Variants in ANO2 observed in about 807,000 individuals in gnomAD.
ANO2 encodes anoctamin 2, also known as anoctamin-2.
In ANO2, 101 loss-of-function variants were observed where a neutral mutation model predicts 124.2. The ratio of observed to expected loss-of-function variants is 0.81; its 90% CI spans 0.69 to 0.96. ANO2 has a LOEUF of 0.96. Ranked by LOEUF, ANO2 falls within the 40% of genes least tolerant of loss-of-function variation. ANO2 has a pLI of 0.00. For synonymous variants in ANO2, 486 were observed against 482.5 expected, an observed-to-expected ratio of 1.01 and a Z score of -0.09; for missense variants, 1,293 against 1,274.5, an observed-to-expected ratio of 1.01 and a Z score of -0.22.
chr12:5,921,340 A>G lies in ANO2; in HGVS notation c.234T>C (p.Asn78=). 1 of 1,613,182 alleles carries G rather than the reference A, an allele frequency of 6.2e-7. No homozygotes were observed. Among genetic ancestry groups the G allele is most frequent in the Non-Finnish European group, 8.5e-7 (1 of 1,179,172 alleles). Residue 78 remains asparagine (N), a synonymous_variant, in exon 3 of 25, where the codon AAT becomes AAC. Transcript: ENST00000682330. ...SSVINNYLDA[N]EPVSLEARLS... is the part of the protein sequence containing the mutation. ...GACGGGCCTCCAAGGACACAGGCTC[A>G]TTGGCATCCAGATAGTTGTTGATGA...
chr12:5,740,333 T>C (rs533122304), intron 12 of ANO2: 1 of 188,018 alleles, frequency 5.3e-6, no homozygotes, highest in South Asian at 1.1e-4. Flanking sequence ...AGAGGCCTGG[T>C]TATATTTCAT....
At chr12:5,694,275 G>GAGAGAGAC (rs1949071886) in intron 14 of ANO2, among the ~76,000 whole-genome samples, 1 of 151,746 alleles carries the variant, frequency 6.6e-6, no homozygotes, top group Non-Finnish European at 1.5e-5. Context: ...GAGAGAGAGA[G>GAGAGAGAC]AGAGAGAGAA....
At chr12:5,916,079 ACAGCCTGGG>A (rs1358209999) in intron 3 of ANO2, among the ~76,000 whole-genome samples, 1 of 152,016 alleles carries the variant, frequency 6.6e-6, no homozygotes, top group Non-Finnish European at 1.5e-5. Flanking sequence ...GAGTTCAAGA[ACAGCCTGGG>A]CAACATGGTG....
chr12:5,621,397 G>A (rs548219955), intron 16 of ANO2, among the ~76,000 whole-genome samples: 56 of 152,310 alleles, frequency 3.7e-4, no homozygotes, highest in Admixed American at 2.2e-3. Context: ...AAGGAGGGAC[G>A]TCTTTTTCTG....
chr12:5,764,713 TCTC>T lies in ANO2; in HGVS notation c.1056-13746_1056-13744del, dbSNP rs573864256. Among the ~76,000 whole-genome samples, 19 of 150,118 alleles carry T rather than the reference TCTC, an allele frequency of 1.3e-4. No homozygotes were observed. The East Asian group carries it at 1.6e-3, about 13-fold the overall frequency. On this transcript the variant is annotated intron_variant, in intron 10 of 24. Coordinates refer to ENST00000682330, the MANE Select transcript of ANO2 (RefSeq NM_001364791.2). ...CGCCCCCAGCCCCGCCCTCCCCTGT[TCTC>T]CTGCTTTTTTCCAACTCTGAAGCTG... is the stretch of plus-strand genomic sequence containing the variant.
intron 15 of ANO2, among the ~76,000 whole-genome samples, chr12:5,646,761 C>T (rs1489709016): frequency 1.3e-5 from 2 of 152,156 alleles, no homozygotes; most frequent in African/African-American, 4.8e-5. Context: ...GGCAAGGCAC[C>T]CATCAACTCT....
At chr12:5,598,110 A>G (rs1943751319) in intron 20 of ANO2, among the ~76,000 whole-genome samples, 1 of 152,140 alleles carries the variant, frequency 6.6e-6, no homozygotes, top group African/African-American at 2.4e-5. Context: ...AACACATGCA[A>G]TTTCCTATAA....
At chr12:5,797,553 G>A (rs181015522) in intron 10 of ANO2, among the ~76,000 whole-genome samples, 2 of 152,180 alleles carry the variant, frequency 1.3e-5, no homozygotes, top group Admixed American at 6.5e-5. Flanking sequence ...CCAGGTACTC[G>A]CCCACTTCTG....
intron 3 of ANO2, among the ~76,000 whole-genome samples, chr12:5,872,750 C>T (rs1937790064): frequency 1.3e-5 from 2 of 152,026 alleles, no homozygotes; most frequent in South Asian, 4.1e-4. Flanking sequence ...AAAAGATATG[C>T]CCACGGTTCC....
chr12:5,687,189 C>T (rs1254003155), intron 14 of ANO2, among the ~76,000 whole-genome samples: 2 of 152,208 alleles, frequency 1.3e-5, no homozygotes, highest in African/African-American at 2.4e-5. Context: ...TCGGACAAGG[C>T]GCTGCCTCCA....
At chr12:5,700,991 GCC>G (rs1949379404) in intron 14 of ANO2, among the ~76,000 whole-genome samples, 1 of 150,922 alleles carries the variant, frequency 6.6e-6, no homozygotes, top group Non-Finnish European at 1.5e-5. Context: ...GGCTCCAATT[GCC>G]TTTCAGATGC....
chr12:5,784,143 A>G (rs1356934820), intron 10 of ANO2, among the ~76,000 whole-genome samples: 1 of 146,358 alleles, frequency 6.8e-6, no homozygotes, highest in African/African-American at 2.4e-5. Context: ...TCATGCCTTA[A>G]TTCATGCTAT....
chr12:5,832,046 T>C (rs1565706459), intron 5 of ANO2, among the ~76,000 whole-genome samples: 1 of 152,192 alleles, frequency 6.6e-6, no homozygotes, highest in Non-Finnish European at 1.5e-5. Context: ...ACCCAGAAGC[T>C]TCATCCACCT....
intron 4 of ANO2, among the ~76,000 whole-genome samples, chr12:5,848,264 T>C (rs1954748782): frequency 2.0e-5 from 3 of 152,212 alleles, no homozygotes; most frequent in Middle Eastern, 3.2e-3. Flanking sequence ...CTGTCTTGGC[T>C]ACCAGAAAGC....
chr12:5,768,165 C>T (rs1186622380), intron 10 of ANO2, among the ~76,000 whole-genome samples: 1 of 152,184 alleles, frequency 6.6e-6, no homozygotes, highest in Admixed American at 6.5e-5. Flanking sequence ...AGGATTCACC[C>T]CAAAATATCT....
intron 14 of ANO2, among the ~76,000 whole-genome samples, chr12:5,709,035 G>A (rs895328574): frequency 6.6e-6 from 1 of 152,192 alleles, no homozygotes; most frequent in Non-Finnish European, 1.5e-5. Context: ...ACAGTGGCTG[G>A]CACATAGTAG....
Position 5,709,038 on chromosome 12 carries a change from C to G in ANO2, c.1545+23482G>C, listed in dbSNP as rs141338110. Among the ~76,000 whole-genome samples, 4 of 152,344 alleles carry G rather than the reference C, an allele frequency of 2.6e-5. No individual in the cohort carries two copies. The East Asian group carries it at 5.8e-4, about 22-fold the overall frequency. On this transcript the variant is annotated intron_variant, in intron 14 of 24. Transcript: ENST00000682330. ...ACAGCTGCTAGCACAGTGGCTGGCA[C>G]ATAGTAGGTGCTCAATAAGCACTTT...
intron 2 of ANO2, 120 bp downstream of exon 2, chr12:5,922,500 G>A (rs1326812921): frequency 1.7e-6 from 2 of 1,148,204 alleles, no homozygotes; most frequent in East Asian, 2.8e-5. Context: ...CCCAAACCTA[G>A]GTCTCTCTCT....
intron 1 of ANO2, among the ~76,000 whole-genome samples, chr12:5,932,181 C>T (rs1277153354): frequency 4.4e-3 from 417 of 95,476 alleles, no homozygotes; most frequent in East Asian, 0.025. Flanking sequence ...GGAAAGAAGA[C>T]AGAAAAGGAA....
Sources: gnomAD v4.1 joint callset for allele counts (sites outside exome capture counted in the v4.1 genomes callset) on GRCh38, gnomAD v4.1.1 for gene constraint, MANE v1.5 for transcripts, NCBI Gene and HGNC (gene_info 2026-07-23, HGNC 2026-07-21) for gene names.